Variants in SLC34A1 observed in about 807,000 individuals in gnomAD.
SLC34A1 encodes the protein solute carrier family 34 member 1, also known as sodium-dependent phosphate transport protein 2A.
Under a neutral mutation model 51.4 loss-of-function variants are expected in SLC34A1, and 57 were observed. That is an observed-to-expected ratio of 1.11 (90% CI 0.90 to 1.38). The LOEUF (loss-of-function observed/expected upper bound fraction) is 1.38. Among genes scored for constraint, SLC34A1 ranks in the 40% most tolerant of loss-of-function variants. The probability of loss-of-function intolerance (pLI) is 0.00; values close to 1 mark genes in which losing one functional copy is unlikely to be tolerated. For missense variants in SLC34A1, 796 were observed against 835.6 expected (o/e 0.95, Z 0.58); for synonymous variants, 368 against 358.0 (o/e 1.03, Z -0.32).
Position 177,388,515 on chromosome 5 carries a change from G to A in SLC34A1, c.936+143G>A. ...ATGTGGCCCTTCTACTGTGCTTACA[G>A]TTAACATTGCTAATTCCTCCCAACT... On this transcript the variant is annotated intron_variant, in intron 8 of 12. Transcript: ENST00000324417. The surrounding 1 kb of genome is among the most constrained non-coding windows in gnomAD (Gnocchi z 4.3). 1.4e-6 allele frequency: 1 copy of A among 736,824 alleles called. No individual in the cohort carries two copies. Among genetic ancestry groups the A allele is most frequent in the Non-Finnish European group, 2.4e-6 (1 of 416,724 alleles). 45.6% of individuals were successfully genotyped at this position (736,824 alleles called of 1,614,324 possible).
chr5:177,391,420 A>G (rs1362404546), intron 8 of SLC34A1, among the ~76,000 whole-genome samples: 3 of 152,172 alleles, frequency 2.0e-5, no homozygotes, highest in Non-Finnish European at 4.4e-5. Context: ...GGACCCCAGT[A>G]AAGTTCCCCA....
In SLC34A1 at chr5:177,389,360, C is replaced by CCTTCCT. The variant is rs1188765534; in HGVS notation, c.936+993_936+994insTCTTCC. Among the ~76,000 whole-genome samples, 31 of 152,112 alleles carry CCTTCCT rather than the reference C, an allele frequency of 2.0e-4. 1 individual carries two copies. Among genetic ancestry groups the CCTTCCT allele is most frequent in the African/African-American group, 7.0e-4 (29 of 41,504 alleles). On this transcript the variant is annotated intron_variant, in intron 8 of 12. Transcript: ENST00000324417. ...GCACAGCACAAGCCCTTCCCCTTCC[C>CCTTCCT]CTTCCCCTTCCCCTTCCCCTTGCTG...
chr5:177,385,641 T>C, intron 1 of SLC34A1, 54 bp from the exon 2 acceptor site: 1 of 828,864 alleles, frequency 1.2e-6, no homozygotes, highest in Non-Finnish European at 2.1e-6. Context: ...TGGGGGTTTG[T>C]GCAGGTGAGG....
rs147095485 is a variant in SLC34A1, at chr5:177,386,449, G to T, written c.415G>T (p.Asp139Tyr). Reference protein sequence around the residue: ...GGKVAGDIFKDNAILSNPVAG... With the variant: ...GGKVAGDIFKYNAILSNPVAG... Reference sequence around the variant, plus strand: ...GAAGGTGGCTGGTGACATCTTCAAGGATAACGCCATCCTGTCCAACCCGGT... The same window carrying T: ...GAAGGTGGCTGGTGACATCTTCAAGTATAACGCCATCCTGTCCAACCCGGT... The change falls in exon 5 of 13, where the codon GAT becomes TAT. Residue 139 changes from aspartate to tyrosine, a missense_variant. Transcript: ENST00000324417. This position sits in a 1 kb window ranked among gnomAD's most constrained non-coding sequence, Gnocchi z 4.8. 4.6e-5 allele frequency: 74 copies of T among 1,614,182 alleles called. No individual in the cohort carries two copies. In the African/African-American group the frequency reaches 8.4e-4, roughly 18 times the overall value.
Position 177,396,505 on chromosome 5 carries a change from GCGGAGGTCCT to G in SLC34A1, c.1175-226_1175-217del, listed in dbSNP as rs1561634582. Among the ~76,000 whole-genome samples, 205 of 126,208 alleles carry G rather than the reference GCGGAGGTCCT, an allele frequency of 1.6e-3. No homozygotes were observed. The highest frequency in any genetic ancestry group is 4.7e-3 in the Middle Eastern group (1 of 214). The allele number at this position is 126,208 out of a possible 152,430, so 82.8% of individuals were successfully genotyped here. The stretch of plus-strand genomic sequence containing the variant: ...GGAGGTCCTCTCTCCCAGTGCCCCC[GCGGAGGTCCT>G]CTCTCCCAGTGCCCCCGCGGAGGTC... On this transcript the variant is annotated intron_variant, in intron 10 of 12. Transcript: ENST00000324417. The surrounding 1 kb of genome is among the most constrained non-coding windows in gnomAD (Gnocchi z 4.0).
At chr5:177,385,108 A>C (rs1762513661) in intron 1 of SLC34A1, among the ~76,000 whole-genome samples, 1 of 152,148 alleles carries the variant, frequency 6.6e-6, no homozygotes, top group African/African-American at 2.4e-5. Context: ...AGGGGAACCC[A>C]GGAACTCGGG....
At position 177,388,371 on chromosome 5, in the gene SLC34A1, A is replaced by G. The variant is rs1454621310; in HGVS notation, c.935A>G (p.Gln312Arg). 3 of 1,613,596 alleles carry G rather than the reference A, an allele frequency of 1.9e-6. No individual in the cohort carries two copies. Among genetic ancestry groups the G allele is most frequent in the Non-Finnish European group, 2.5e-6 (3 of 1,179,568 alleles). Residue 312 changes from glutamine (Q) to arginine (R), a missense_variant and splice_region_variant, in exon 8 of 13, where the codon CAG becomes CGG. Coordinates refer to ENST00000324417, the MANE Select transcript of SLC34A1 (RefSeq NM_003052.5). This position sits in a 1 kb window ranked among gnomAD's most constrained non-coding sequence, Gnocchi z 4.3. ...IQIWCHPDSL[Q>R]APTSMSRAEA... ...ATCTGGTGCCACCCAGACTCCTTACAGGTGAGTCCCAGGCCTAACCCCAGG... is the reference window on the plus strand; with the variant it reads ...ATCTGGTGCCACCCAGACTCCTTACGGGTGAGTCCCAGGCCTAACCCCAGG...
In SLC34A1 at chr5:177,398,392, C is replaced by A; in HGVS notation, c.*106C>A. ...GCATGTGCCTGTGCCACCCTGGGTGCCAGTCTCTCCTTCTGTAGCTCCGCA... is the reference window on the plus strand; with the variant it reads ...GCATGTGCCTGTGCCACCCTGGGTGACAGTCTCTCCTTCTGTAGCTCCGCA... On this transcript the variant is annotated 3_prime_UTR_variant, in exon 13 of 13. Transcript: ENST00000324417. The surrounding 1 kb of genome is among the most constrained non-coding windows in gnomAD (Gnocchi z 4.7). The A allele has an allele frequency of 7.7e-7, 1 of 1,299,314 alleles. No homozygotes were observed. The highest frequency in any genetic ancestry group is 1.1e-6 in the Non-Finnish European group (1 of 908,458). 80.5% of individuals were successfully genotyped at this position (1,299,314 alleles called of 1,614,324 possible).
chr5:177,397,115 T>G (rs564107955), intron 12 of SLC34A1, 41 bp downstream of exon 12: 1 of 1,604,982 alleles, frequency 6.2e-7, no homozygotes, highest in African/African-American at 1.3e-5. Context: ...AGGATGGAGC[T>G]GCCTCTGGGG....
rs1406111313 is a variant in SLC34A1 at position 177,397,203 on chromosome 5, G to T, written c.1416+129G>T. On this transcript the variant is annotated intron_variant, in intron 12 of 12. Coordinates refer to ENST00000324417, the MANE Select transcript of SLC34A1 (RefSeq NM_003052.5). ...CTAAGGGCCACCTAATATGCTCAAT[G>T]AAACCATTATGGGCAAAGTAGACCC... is the stretch of plus-strand genomic sequence containing the variant. The T allele has an allele frequency of 2.7e-5, 34 of 1,272,540 alleles. 2 individuals carry two copies. The South Asian group carries it at 4.4e-4, about 16-fold the overall frequency. 78.8% of individuals were successfully genotyped at this position (1,272,540 alleles called of 1,614,324 possible). A position where few individuals can be genotyped will look rare whatever the true frequency, so the allele number is the denominator to read the frequency against.
intron 12 of SLC34A1, 114 bp downstream of exon 12, chr5:177,397,188 C>A (rs1299651639): frequency 1.5e-6 from 2 of 1,368,866 alleles, no homozygotes; most frequent in Non-Finnish European, 2.0e-6. Flanking sequence ...CTAAGGGCCA[C>A]CTAATATGCT....
At position 177,388,459 on chromosome 5, in the gene SLC34A1, T is replaced by C. The variant is rs1445410085; in HGVS notation, c.936+87T>C. On this transcript the variant is annotated intron_variant, in intron 8 of 12. Transcript: ENST00000324417. The surrounding 1 kb of genome is among the most constrained non-coding windows in gnomAD (Gnocchi z 4.3). ...CTGTTCAAAATGCTCCAGATAGACC[T>C]TGAAGATCATTTAGCCAGGAGAGGG... 4 of 1,156,438 alleles carry C rather than the reference T, an allele frequency of 3.5e-6. No individual in the cohort carries two copies. Among genetic ancestry groups the C allele is most frequent in the Admixed American group, 3.7e-5 (2 of 54,502 alleles). The allele number at this position is 1,156,438 out of a possible 1,614,324, so 71.6% of individuals were successfully genotyped here.
chr5:177,398,089 A>G lies in SLC34A1; in HGVS notation c.1723A>G (p.Thr575Ala). 3 of 1,612,584 alleles carry G rather than the reference A, an allele frequency of 1.9e-6. No homozygotes were observed. The highest frequency in any genetic ancestry group is 2.5e-6 in the Non-Finnish European group (3 of 1,178,780). Reference protein sequence around the residue: ...SPGHLPKWLQTWDFLPRWMHS... With the variant: ...SPGHLPKWLQAWDFLPRWMHS... ...CGGGCACCTGCCCAAGTGGTTACAGACATGGGACTTCCTGCCTCGCTGGAT... is the reference window on the plus strand; with the variant it reads ...CGGGCACCTGCCCAAGTGGTTACAGGCATGGGACTTCCTGCCTCGCTGGAT... Residue 575 changes from threonine to alanine, a missense_variant, in exon 13 of 13, where the codon ACA becomes GCA. Thr to Ala is a moderately conservative substitution (Grantham distance 58). Coordinates refer to ENST00000324417, the MANE Select transcript of SLC34A1 (RefSeq NM_003052.5). This position sits in a 1 kb window ranked among gnomAD's most constrained non-coding sequence, Gnocchi z 4.7.
intron 10 of SLC34A1, among the ~76,000 whole-genome samples, chr5:177,395,378 G>A (rs1173749622): frequency 6.6e-6 from 1 of 152,160 alleles, no homozygotes; most frequent in Non-Finnish European, 1.5e-5. Flanking sequence ...TGCGGATGAA[G>A]AGCACTCTGG....
At chr5:177,389,865 G>C (rs909195501) in intron 8 of SLC34A1, 12 of 1,456,970 alleles carry the variant, frequency 8.2e-6, no homozygotes, top group Non-Finnish European at 9.9e-6. Flanking sequence ...GCTGACACTT[G>C]TCCAGCTGGT....
chr5:177,392,398 G>A (rs1762836423), intron 8 of SLC34A1, among the ~76,000 whole-genome samples: 1 of 152,150 alleles, frequency 6.6e-6, no homozygotes, highest in African/African-American at 2.4e-5. Flanking sequence ...AGGAGGCGGA[G>A]GTTGCAGTGA....
In SLC34A1 at chr5:177,396,863, T is replaced by C. The variant is rs1372468999; in HGVS notation, c.1291+14T>C. 21 of 1,614,170 alleles carry C rather than the reference T, an allele frequency of 1.3e-5. No homozygotes were observed. Among genetic ancestry groups the C allele is most frequent in the Non-Finnish European group, 1.8e-5 (21 of 1,180,010 alleles). ...CCCCACTCATCGGTGAGTGCCCATG[T>C]AGAGGTGGAGTGGGGTGGGCCAGGG... is the stretch of plus-strand genomic sequence containing the variant. On this transcript the variant is annotated intron_variant, in intron 11 of 12. Transcript: ENST00000324417. The surrounding 1 kb of genome is among the most constrained non-coding windows in gnomAD (Gnocchi z 4.0).
chr5:177,398,190 C>A lies in SLC34A1; in HGVS notation c.1824C>A (p.Pro608=), dbSNP rs767651859. The part of the protein sequence containing the change: ...LCCARPEPRS[P]PLPPRVFLEE... The stretch of plus-strand genomic sequence containing the variant: ...GTGCCAGGCCTGAGCCCCGCTCACC[C>A]CCGCTGCCCCCCAGGGTCTTCCTGG... The change falls in exon 13 of 13, where the codon CCC becomes CCA. Residue 608 remains proline (P), a synonymous_variant. Coordinates refer to ENST00000324417, the MANE Select transcript of SLC34A1 (RefSeq NM_003052.5). The surrounding 1 kb of genome is among the most constrained non-coding windows in gnomAD (Gnocchi z 4.7). The A allele has an allele frequency of 1.9e-6, 3 of 1,610,068 alleles. No individual in the cohort carries two copies. Among genetic ancestry groups the A allele is most frequent in the African/African-American group, 2.7e-5 (2 of 74,914 alleles).
chr5:177,393,948 T>C, intron 9 of SLC34A1, 80 bp from the exon 10 acceptor site: 1 of 1,584,354 alleles, frequency 6.3e-7, no homozygotes, highest in African/African-American at 1.3e-5. Context: ...GGCCTTAGGA[T>C]CAGAGCCCAA....
Sources: gnomAD v4.1 joint callset for allele counts (sites outside exome capture counted in the v4.1 genomes callset) on GRCh38, gnomAD v4.1.1 for gene constraint, Gnocchi (gnomAD v3.1) non-coding constraint, MANE v1.5 for transcripts, NCBI Gene and HGNC (gene_info 2026-07-23, HGNC 2026-07-21) for gene names.